The following FBXL7 variants were observed in gnomAD, a reference collection of about 807,000 sequenced individuals.
FBXL7 encodes the protein F-box and leucine rich repeat protein 7.
Under a neutral mutation model 38.3 loss-of-function variants are expected in FBXL7, and 12 were observed. The ratio of observed to expected loss-of-function variants is 0.31; its 90% CI spans 0.20 to 0.51. The LOEUF is 0.51. FBXL7 is among the 20% of genes least tolerant of loss of function. The pLI, the probability that FBXL7 is intolerant of heterozygous loss-of-function variation, is 0.98. For synonymous variants in FBXL7, 297 were observed against 300.9 expected (o/e 0.99, Z 0.13); for missense variants, 567 against 676.4 (o/e 0.84, Z 1.79).
chr5:15,701,512 A>G (rs1367451962), intron 2 of FBXL7, among the ~76,000 whole-genome samples: 2 of 152,304 alleles, frequency 1.3e-5, no homozygotes, highest in South Asian at 2.1e-4. Context: ...TTTGTGTACT[A>G]TTTAATTAAT....
intron 2 of FBXL7, among the ~76,000 whole-genome samples, chr5:15,732,143 C>A (rs760638570): frequency 6.6e-6 from 1 of 152,148 alleles, no homozygotes; most frequent in Non-Finnish European, 1.5e-5. Flanking sequence ...AAGGTTAGTT[C>A]TGGCAAAGTT....
At chr5:15,903,222 A>G (rs1296228929) in intron 2 of FBXL7, among the ~76,000 whole-genome samples, 1 of 152,092 alleles carries the variant, frequency 6.6e-6, no homozygotes, top group Non-Finnish European at 1.5e-5. Flanking sequence ...CAGACTCTCA[A>G]CTCTTTCACT....
At chr5:15,737,839 CT>C (rs1735794286) in intron 2 of FBXL7, among the ~76,000 whole-genome samples, 1 of 152,170 alleles carries the variant, frequency 6.6e-6, no homozygotes, top group South Asian at 2.1e-4. Context: ...TCTCTACTTC[CT>C]GTAATTACCA....
chr5:15,586,708 T>TG (rs1389516996), intron 1 of FBXL7, among the ~76,000 whole-genome samples: 3 of 152,158 alleles, frequency 2.0e-5, no homozygotes, highest in Admixed American at 6.6e-5. Flanking sequence ...AACTGAGTCT[T>TG]GCAGCTCTCA....
At position 15,928,005 on chromosome 5, in the gene FBXL7, C is replaced by G; in HGVS notation, c.243C>G (p.Thr81=). ...RGSSTSSSSI[T]GETVAMVHSP... ...CGTCCACCTCCTCGTCCTCCATCAC[C>G]GGGGAGACGGTGGCCATGGTGCACT... The change falls in exon 3 of 4, where the codon ACC becomes ACG. Residue 81 remains threonine (T), a synonymous_variant. Transcript: ENST00000504595. This position sits in a 1 kb window ranked among gnomAD's most constrained non-coding sequence, Gnocchi z 4.0. 6.2e-7 allele frequency: 1 copy of G among 1,603,902 alleles called. No homozygotes were observed. Among genetic ancestry groups the G allele is most frequent in the Non-Finnish European group, 8.5e-7 (1 of 1,173,854 alleles).
chr5:15,660,276 T>C (rs555425556), intron 2 of FBXL7, among the ~76,000 whole-genome samples: 5 of 152,372 alleles, frequency 3.3e-5, no homozygotes, highest in Admixed American at 1.3e-4. Flanking sequence ...ATACTTATCA[T>C]TAACAATCAC....
At chr5:15,762,574 T>C (rs534217105) in intron 2 of FBXL7, among the ~76,000 whole-genome samples, 1 of 152,326 alleles carries the variant, frequency 6.6e-6, no homozygotes, top group Admixed American at 6.5e-5. Flanking sequence ...GGGTGTATTA[T>C]TTAACCTCCC....
chr5:15,748,443 G>T (rs1043367963), intron 2 of FBXL7, among the ~76,000 whole-genome samples: 1 of 152,176 alleles, frequency 6.6e-6, no homozygotes, highest in East Asian at 1.9e-4. Context: ...GAATCATAGG[G>T]GTTTCCCCCA....
intron 2 of FBXL7, among the ~76,000 whole-genome samples, chr5:15,640,712 T>G (rs1028550337): frequency 6.6e-6 from 1 of 152,058 alleles, no homozygotes; most frequent in Non-Finnish European, 1.5e-5. Context: ...TTAATAGAGA[T>G]GGGATTTCAC....
intron 2 of FBXL7, among the ~76,000 whole-genome samples, chr5:15,721,416 G>T (rs754529976): frequency 2.0e-5 from 3 of 152,114 alleles, no homozygotes; most frequent in Non-Finnish European, 2.9e-5. Context: ...GAAGTGCCCT[G>T]CCAAAAATCA....
intron 2 of FBXL7, among the ~76,000 whole-genome samples, chr5:15,890,043 C>T (rs548264860): frequency 2.8e-4 from 43 of 152,180 alleles, no homozygotes; most frequent in Middle Eastern, 3.4e-3. Context: ...AGACTTCATT[C>T]TCTCATTTCA....
At chr5:15,897,793 C>G (rs1474820424) in intron 2 of FBXL7, among the ~76,000 whole-genome samples, 4 of 152,074 alleles carry the variant, frequency 2.6e-5, no homozygotes, top group Non-Finnish European at 4.4e-5. Context: ...GTTTGGAATT[C>G]AGCAGGCAAT....
intron 2 of FBXL7, among the ~76,000 whole-genome samples, chr5:15,686,350 A>T (rs1344930365): frequency 6.6e-6 from 1 of 152,210 alleles, no homozygotes; most frequent in Non-Finnish European, 1.5e-5. Flanking sequence ...TGCATTTGGT[A>T]GAGCACATTC....
At chr5:15,680,782 C>G (rs989602136) in intron 2 of FBXL7, among the ~76,000 whole-genome samples, 1 of 152,154 alleles carries the variant, frequency 6.6e-6, no homozygotes, top group Admixed American at 6.5e-5. Flanking sequence ...ATTTGTTGCT[C>G]ATTAGCTACT....
intron 2 of FBXL7, among the ~76,000 whole-genome samples, chr5:15,661,625 T>G (rs1198834407): frequency 6.6e-6 from 1 of 152,236 alleles, no homozygotes; most frequent in Admixed American, 6.5e-5. Flanking sequence ...GGGTTTGTTG[T>G]ACAGATTATT....
chr5:15,638,702 C>G (rs1312998895), intron 2 of FBXL7, among the ~76,000 whole-genome samples: 4 of 152,094 alleles, frequency 2.6e-5, no homozygotes, highest in African/African-American at 9.7e-5. Flanking sequence ...AATCCTAGTG[C>G]AAGCTTAGTA....
intron 1 of FBXL7, among the ~76,000 whole-genome samples, chr5:15,555,870 C>G (rs1230819274): frequency 6.6e-6 from 1 of 151,854 alleles, no homozygotes; most frequent in Non-Finnish European, 1.5e-5. Context: ...AAGGGAGATT[C>G]CTTCATACTT....
At chr5:15,807,653 A>G (rs1274213991) in intron 2 of FBXL7, among the ~76,000 whole-genome samples, 3 of 150,632 alleles carry the variant, frequency 2.0e-5, no homozygotes, top group African/African-American at 7.3e-5. Flanking sequence ...TTTTGCCCCA[A>G]CATTTGTTTG....
intron 1 of FBXL7, among the ~76,000 whole-genome samples, chr5:15,551,301 G>C (rs963338383): frequency 6.6e-6 from 1 of 152,168 alleles, no homozygotes; most frequent in Non-Finnish European, 1.5e-5. Context: ...CTTTACTTTA[G>C]CTGTTAGGCA....
Sources: allele counts gnomAD v4.1 joint callset (sites outside exome capture counted in the v4.1 genomes callset), GRCh38; gene constraint gnomAD v4.1.1; non-coding constraint Gnocchi (gnomAD v3.1); transcripts MANE v1.5; gene names NCBI Gene and HGNC (gene_info 2026-07-23, HGNC 2026-07-21).